Variants in ABHD12 observed in about 807,000 individuals in gnomAD.
ABHD12 encodes the protein lysophosphatidylserine lipase ABHD12.
ABHD12 carries 43 observed loss-of-function variants against 58.3 expected under a neutral mutation model. The ratio of observed to expected loss-of-function variants is 0.74; its 90% confidence interval spans 0.58 to 0.95. The LOEUF (loss-of-function observed/expected upper bound fraction) is 0.95, where lower values mean the gene tolerates loss of function less well. Among genes scored for constraint, ABHD12 ranks in the 40% least tolerant of loss-of-function variants. The probability of loss-of-function intolerance (pLI) is 0.00; values close to 1 mark genes in which losing one functional copy is unlikely to be tolerated. For synonymous variants in ABHD12, 219 were observed against 211.2 expected, an observed-to-expected ratio of 1.04 and a Z score of -0.32; for missense variants, 539 against 537.2, an observed-to-expected ratio of 1.00 and a Z score of -0.03.
At chr20:25,363,946 C>T (rs2089786514) in intron 1 of ABHD12, among the ~76,000 whole-genome samples, 1 of 151,636 alleles carries the variant, frequency 6.6e-6, no homozygotes. Flanking sequence ...AATGAAGGTG[C>T]AAAAAAAAGC....
intron 1 of ABHD12, among the ~76,000 whole-genome samples, chr20:25,342,780 G>GTC (rs2089471718): frequency 6.6e-6 from 1 of 151,950 alleles, no homozygotes; most frequent in African/African-American, 2.4e-5. Context: ...TAGATACGAG[G>GTC]TCTCCCTATA....
downstream of ABHD12, among the ~76,000 whole-genome samples, chr20:25,299,088 A>G (rs1218977590): frequency 2.4e-5 from 2 of 82,602 alleles, no homozygotes; most frequent in African/African-American, 1.8e-4. Context: ...TATCTGCATC[A>G]TCTCAGTTTT....
intron 1 of ABHD12, among the ~76,000 whole-genome samples, chr20:25,341,233 G>T (rs577124613): frequency 6.6e-6 from 1 of 152,338 alleles, no homozygotes; most frequent in East Asian, 1.9e-4. Context: ...GCCATGGCAG[G>T]CTTGGTGAGA....
At chr20:25,301,777 C>T (rs542253941) in intron 12 of ABHD12, among the ~76,000 whole-genome samples, 3 of 152,262 alleles carry the variant, frequency 2.0e-5, no homozygotes, top group African/African-American at 4.8e-5. Flanking sequence ...TCTGGGCTGG[C>T]GCCCATGTCC....
chr20:25,313,388 G>A (rs1206359565), intron 6 of ABHD12, among the ~76,000 whole-genome samples: 1 of 152,126 alleles, frequency 6.6e-6, no homozygotes, highest in Non-Finnish European at 1.5e-5. Context: ...AAGGCAGCAT[G>A]CTCATTAAGA....
chr20:25,342,322 G>C (rs1056498963), intron 1 of ABHD12, among the ~76,000 whole-genome samples: 4 of 152,156 alleles, frequency 2.6e-5, no homozygotes, highest in Admixed American at 6.5e-5. Context: ...CCACCTGAAA[G>C]ATGGCCAGGT....
intron 2 of ABHD12, among the ~76,000 whole-genome samples, chr20:25,332,710 G>A (rs2089298136): frequency 6.8e-6 from 1 of 147,544 alleles, no homozygotes; most frequent in South Asian, 2.2e-4. Context: ...ATGACTACTG[G>A]GTACATAACA....
In ABHD12 at chr20:25,319,655, T is replaced by C. The variant is rs1177654519; in HGVS notation, c.542+544A>G. ...TAGAGAAAACAAGCTGCCAGTGAGC[T>C]GAAGCCGCCCATTCCCAAGAGCGCG... On this transcript the variant is annotated intron_variant, in intron 4 of 12. Coordinates refer to ENST00000339157, the MANE Select transcript of ABHD12 (RefSeq NM_001042472.3). Among the ~76,000 whole-genome samples, 3 of 152,184 alleles carry C rather than the reference T, an allele frequency of 2.0e-5. No individual in the cohort carries two copies. In the East Asian group the frequency reaches 5.8e-4, roughly 29 times the overall value.
intron 1 of ABHD12, among the ~76,000 whole-genome samples, chr20:25,374,924 TG>T (rs1378649764): frequency 6.6e-6 from 1 of 152,246 alleles, no homozygotes; most frequent in African/African-American, 2.4e-5. Flanking sequence ...GCCTGTGCTA[TG>T]GGCTGAATAA....
chr20:25,303,396 T>C, intron 11 of ABHD12, 154 bp downstream of exon 11: 2 of 1,521,704 alleles, frequency 1.3e-6, no homozygotes, highest in Non-Finnish European at 1.8e-6. Context: ...GCAGGGAGGA[T>C]GAGGTGGCCT....
intron 6 of ABHD12, among the ~76,000 whole-genome samples, chr20:25,311,928 G>C (rs997940326): frequency 2.0e-5 from 3 of 151,762 alleles, no homozygotes; most frequent in East Asian, 3.9e-4. Flanking sequence ...GGCTTATCTC[G>C]AACTCCTGGT....
At chr20:25,358,821 T>C (rs543884450) in intron 1 of ABHD12, among the ~76,000 whole-genome samples, 2 of 152,210 alleles carry the variant, frequency 1.3e-5, no homozygotes, top group South Asian at 2.1e-4. Context: ...CTGGCATCCA[T>C]GGGATAAGGA....
At chr20:25,351,663 C>T (rs1397062210) in intron 1 of ABHD12, among the ~76,000 whole-genome samples, 1 of 152,028 alleles carries the variant, frequency 6.6e-6, no homozygotes, top group Non-Finnish European at 1.5e-5. Flanking sequence ...GCCTATAATC[C>T]CAGCACTTTG....
intron 1 of ABHD12, among the ~76,000 whole-genome samples, chr20:25,384,999 G>C (rs1478108953): frequency 6.6e-6 from 1 of 152,248 alleles, no homozygotes; most frequent in African/African-American, 2.4e-5. Flanking sequence ...CCCCACTTCA[G>C]TGTATGTATG....
intron 1 of ABHD12, among the ~76,000 whole-genome samples, chr20:25,378,737 C>A (rs2089989015): frequency 6.9e-6 from 1 of 145,264 alleles, no homozygotes; most frequent in South Asian, 2.2e-4. Flanking sequence ...CTCAGGACAA[C>A]TTCAGGCTTC....
chr20:25,340,300 T>G (rs1404956100), intron 1 of ABHD12, among the ~76,000 whole-genome samples: 3 of 152,216 alleles, frequency 2.0e-5, no homozygotes, highest in Non-Finnish European at 4.4e-5. Flanking sequence ...ACAAAAAATT[T>G]TAGTGAGAAG....
chr20:25,338,088 C>T (rs2089402397), intron 2 of ABHD12, among the ~76,000 whole-genome samples: 2 of 152,074 alleles, frequency 1.3e-5, no homozygotes, highest in African/African-American at 4.8e-5. Flanking sequence ...CCTTTTTTAG[C>T]CAGTCATCTC....
chr20:25,295,121 A>G, intron 12 of ABHD12: 2 of 1,355,240 alleles, frequency 1.5e-6, no homozygotes, highest in South Asian at 1.2e-5. Flanking sequence ...GCATTTGTAG[A>G]TTCATAAATC....
At chr20:25,388,202 G>C (rs1013322104) in intron 1 of ABHD12, among the ~76,000 whole-genome samples, 1 of 152,074 alleles carries the variant, frequency 6.6e-6, no homozygotes, top group African/African-American at 2.4e-5. Flanking sequence ...CGACAATAAA[G>C]AGTTTAAAAA....
Sources: allele counts gnomAD v4.1 joint callset (sites outside exome capture counted in the v4.1 genomes callset), GRCh38; gene constraint gnomAD v4.1.1; transcripts MANE v1.5; gene names NCBI Gene and HGNC (gene_info 2026-07-23, HGNC 2026-07-21).